CHRNA7: variants seen among roughly 807,000 people sequenced by gnomAD.
The protein encoded by CHRNA7 is cholinergic receptor nicotinic alpha 7 subunit.
Under a neutral mutation model 48.0 loss-of-function variants are expected in CHRNA7, and 17 were observed. The observed-to-expected ratio is 0.35, with a 90% confidence interval of 0.24 to 0.53. CHRNA7 has a LOEUF of 0.53. Among genes scored for constraint, CHRNA7 ranks in the 20% least tolerant of loss-of-function variants. The pLI, the probability that CHRNA7 is intolerant of heterozygous loss-of-function variation, is 0.92. For missense variants in CHRNA7, 155 were observed against 577.7 expected (o/e 0.27, Z 7.50); for synonymous variants, 75 against 242.3 (o/e 0.31, Z 6.41).
intron 4 of CHRNA7, among the ~76,000 whole-genome samples, chr15:32,134,150 G>A (rs2051204585): frequency 6.6e-6 from 1 of 151,500 alleles, no homozygotes; most frequent in East Asian, 1.9e-4. Context: ...CTACATGTGG[G>A]TTTTTTTGTG....
chr15:32,047,957 A>G (rs1454063732), intron 2 of CHRNA7, among the ~76,000 whole-genome samples: 1 of 152,102 alleles, frequency 6.6e-6, no homozygotes, highest in Admixed American at 6.5e-5. Context: ...GGTTCTGTTT[A>G]TATGCTGGAT....
Position 32,148,732 on chromosome 15 carries a change from C to T in CHRNA7, c.351-5175C>T, listed in dbSNP as rs544997412. Among the ~76,000 whole-genome samples, 6 of 152,360 alleles carry T rather than the reference C, an allele frequency of 3.9e-5. No individual in the cohort carries two copies. In the South Asian group the frequency reaches 8.3e-4, roughly 21 times the overall value. ...GGCCAAGCAGTGGTTTGCTCCCAAG[C>T]CCTCTTTCAGCCTCACTGCTTAGGG... On this transcript the variant is annotated intron_variant, in intron 4 of 9. Coordinates refer to ENST00000306901, the MANE Select transcript of CHRNA7 (RefSeq NM_000746.6).
intron 4 of CHRNA7, among the ~76,000 whole-genome samples, chr15:32,121,521 G>T (rs1351074518): frequency 2.0e-5 from 3 of 152,198 alleles, no homozygotes; most frequent in Non-Finnish European, 1.5e-5. Flanking sequence ...CTTTGTGGCT[G>T]TAAGACAAGG....
At position 32,030,540 on chromosome 15, in the gene CHRNA7, C is replaced by A; in HGVS notation, c.-55C>A. On this transcript the variant is annotated 5_prime_UTR_variant, in exon 1 of 10. Coordinates refer to ENST00000306901, the MANE Select transcript of CHRNA7 (RefSeq NM_000746.6). ...GCCTCTGTGGCCGCAGGCGCAGGCC[C>A]GGGCGACAGCCGAGACGTGGAGCGC... The A allele has an allele frequency of 7.1e-7, 1 of 1,406,560 alleles. No homozygotes were observed. The highest frequency in any genetic ancestry group is 9.2e-7 in the Non-Finnish European group (1 of 1,085,792). The allele number at this position is 1,406,560 out of a possible 1,614,324, so 87.1% of individuals were successfully genotyped here.
chr15:32,049,567 T>C (rs2049625580), intron 2 of CHRNA7, among the ~76,000 whole-genome samples: 1 of 152,230 alleles, frequency 6.6e-6, no homozygotes, highest in African/African-American at 2.4e-5. Flanking sequence ...GTTTCCTGAA[T>C]ACAGCACACT....
chr15:32,052,208 T>G (rs2049700156), intron 2 of CHRNA7, among the ~76,000 whole-genome samples: 1 of 152,058 alleles, frequency 6.6e-6, no homozygotes, highest in Admixed American at 6.5e-5. Flanking sequence ...TTTTTTTTTT[T>G]TTTTTTCCCC....
intron 3 of CHRNA7, among the ~76,000 whole-genome samples, chr15:32,107,734 C>G (rs1233472202): frequency 6.6e-6 from 1 of 152,174 alleles, no homozygotes; most frequent in Non-Finnish European, 1.5e-5. Flanking sequence ...AGTGGATGTG[C>G]TGACCAAGAG....
At chr15:32,125,929 A>G (rs1214669569) in intron 4 of CHRNA7, among the ~76,000 whole-genome samples, 2 of 152,064 alleles carry the variant, frequency 1.3e-5, no homozygotes, top group Non-Finnish European at 2.9e-5. Flanking sequence ...ACTTCCTTCA[A>G]TTACATGCTT....
intron 3 of CHRNA7, among the ~76,000 whole-genome samples, chr15:32,109,744 AC>A (rs1004480329): frequency 2.0e-5 from 3 of 151,752 alleles, no homozygotes; most frequent in Non-Finnish European, 4.4e-5. Context: ...CATATCACTG[AC>A]CCCCCCGAAC....
chr15:32,065,654 C>G (rs2049952370), intron 2 of CHRNA7, among the ~76,000 whole-genome samples: 1 of 152,296 alleles, frequency 6.6e-6, no homozygotes, highest in Non-Finnish European at 1.5e-5. Context: ...ACTCTCACCT[C>G]TGACTGACCT....
At chr15:32,126,677 G>C (rs1304685746) in intron 4 of CHRNA7, among the ~76,000 whole-genome samples, 2 of 152,020 alleles carry the variant, frequency 1.3e-5, no homozygotes, top group Non-Finnish European at 2.9e-5. Context: ...CATTTTAATA[G>C]TGACATAATT....
chr15:32,066,543 G>C (rs1172344962), intron 2 of CHRNA7, among the ~76,000 whole-genome samples: 1 of 152,174 alleles, frequency 6.6e-6, no homozygotes, highest in Non-Finnish European at 1.5e-5. Context: ...GCCTCCCAAA[G>C]TACTGGGATT....
chr15:32,035,857 C>T (rs1566792006), intron 2 of CHRNA7, among the ~76,000 whole-genome samples: 1 of 152,158 alleles, frequency 6.6e-6, no homozygotes, highest in African/African-American at 2.4e-5. Flanking sequence ...CCCACAGCTT[C>T]CTCAATTATC....
chr15:32,097,888 G>T (rs569790191), intron 2 of CHRNA7, among the ~76,000 whole-genome samples: 1 of 152,326 alleles, frequency 6.6e-6, no homozygotes, highest in South Asian at 2.1e-4. Context: ...TGCATGGCAG[G>T]CTGGGGGCTC....
intron 2 of CHRNA7, among the ~76,000 whole-genome samples, chr15:32,046,450 G>T (rs2049548982): frequency 6.7e-6 from 1 of 148,952 alleles, no homozygotes; most frequent in African/African-American, 2.5e-5. Context: ...TGTGTCTTTT[G>T]GCTGCATAAA....
chr15:32,115,418 C>G (rs1183753551), intron 4 of CHRNA7, among the ~76,000 whole-genome samples: 1 of 151,942 alleles, frequency 6.6e-6, no homozygotes, highest in Non-Finnish European at 1.5e-5. Flanking sequence ...TCATCTCTGC[C>G]CCCCCTTGCT....
chr15:32,145,328 G>C (rs146863871), intron 4 of CHRNA7, among the ~76,000 whole-genome samples: 11,488 of 152,156 alleles, frequency 0.076, 1,536 homozygotes, highest in African/African-American at 0.26. Flanking sequence ...TGAGGTGTCT[G>C]TTGGCCCCTA....
At chr15:32,039,686 A>G (rs1361264851) in intron 2 of CHRNA7, among the ~76,000 whole-genome samples, 2 of 152,134 alleles carry the variant, frequency 1.3e-5, no homozygotes, top group East Asian at 3.8e-4. Context: ...ATTATGGGGA[A>G]TATTCCATGT....
intron 4 of CHRNA7, among the ~76,000 whole-genome samples, chr15:32,144,556 C>G (rs552009783): frequency 1.3e-5 from 2 of 152,332 alleles, no homozygotes; most frequent in South Asian, 4.1e-4. Context: ...GTACACCAAT[C>G]AAACATAGAT....
Sources: gnomAD v4.1 joint callset for allele counts (sites outside exome capture counted in the v4.1 genomes callset) on GRCh38, gnomAD v4.1.1 for gene constraint, MANE v1.5 for transcripts, NCBI Gene and HGNC (gene_info 2026-07-23, HGNC 2026-07-21) for gene names.